CCL28: variants seen among roughly 807,000 people sequenced by gnomAD.
CCL28 encodes C-C motif chemokine ligand 28.
A neutral mutation model predicts 7.1 loss-of-function variants in CCL28; 4 were observed. The ratio of observed to expected loss-of-function variants is 0.56; its 90% CI spans 0.28 to 1.29. The LOEUF (loss-of-function observed/expected upper bound fraction) is 1.29, where lower values mean the gene tolerates loss of function less well. Among genes scored for constraint, CCL28 ranks in the 50% most tolerant of loss-of-function variants. The pLI is 0.11. For synonymous variants in CCL28, 55 were observed against 57.8 expected (o/e 0.95, Z 0.22); for missense variants, 151 against 163.4 (o/e 0.92, Z 0.41).
downstream of CCL28, chr5:43,377,546 A>G (rs931416435): frequency 2.6e-5 from 4 of 150,972 alleles, no homozygotes; most frequent in African/African-American, 9.7e-5. Context: ...TATTTTAAAA[A>G]GACTAATAAA....
At chr5:43,375,651 A>G (rs1016418782), downstream of CCL28, among the ~76,000 whole-genome samples, 9 of 152,148 alleles carry the variant, frequency 5.9e-5, no homozygotes, top group African/African-American at 2.4e-5. Flanking sequence ...ACAAGTGGTC[A>G]TCTCAAGATT....
At chr5:43,362,627 A>T in the CCL28 span, among the ~76,000 whole-genome samples, 1,493 of 152,318 alleles carry the variant, frequency 9.8e-3, 9 homozygotes, top group Middle Eastern at 0.017. Flanking sequence ...TGAATTATTT[A>T]CATAGCAGTC....
At chr5:43,382,817 C>CT (rs1209620824) in intron 2 of CCL28, among the ~76,000 whole-genome samples, 12 of 151,074 alleles carry the variant, frequency 7.9e-5, no homozygotes, top group Non-Finnish European at 1.2e-4. Flanking sequence ...TTTTTCTTTT[C>CT]TTTTTTTTTG....
chr5:43,405,447 A>G (rs958761115), intron 1 of CCL28, among the ~76,000 whole-genome samples: 3 of 152,228 alleles, frequency 2.0e-5, no homozygotes, highest in African/African-American at 7.2e-5. Context: ...TTTGAAACCA[A>G]TGAGAACAAA....
At chr5:43,401,308 A>G (rs1159157728) in intron 1 of CCL28, among the ~76,000 whole-genome samples, 1 of 152,028 alleles carries the variant, frequency 6.6e-6, no homozygotes, top group Non-Finnish European at 1.5e-5. Flanking sequence ...ACTTTTTGGA[A>G]CCCTGGGATA....
rs1016161281 is a variant in CCL28, at chr5:43,401,983, C to T, written c.64+10270G>A. Among the ~76,000 whole-genome samples the T allele has an allele frequency of 3.9e-5, 6 of 152,292 alleles. No individual in the cohort carries two copies. The South Asian group carries it at 8.3e-4, about 21-fold the overall frequency. The stretch of plus-strand genomic sequence containing the variant: ...CCCAGCTTCTGCAGTGCTTTAGCTT[C>T]AGTGCATGGCAACTAGCAGCACCCC... On this transcript the variant is annotated intron_variant, in intron 1 of 2. Transcript: ENST00000361115.
downstream of CCL28, among the ~76,000 whole-genome samples, chr5:43,378,701 G>A (rs377278319): frequency 8.6e-4 from 131 of 152,282 alleles, 1 homozygote; most frequent in Admixed American, 5.2e-4. Flanking sequence ...GGTGGCTCAC[G>A]CCTGTTATCC....
Position 43,381,969 on chromosome 5 carries a change from T to C in CCL28, c.275A>G (p.Lys92Arg). ...KQWMKVQAAK[K>R]NGKGNVCHRK... Reference sequence around the variant, plus strand: ...GTGGCAAACATTTCCTTTACCATTTTTCTTGGCAGCTTGCACTTTCATCCA... The same window carrying C: ...GTGGCAAACATTTCCTTTACCATTTCTCTTGGCAGCTTGCACTTTCATCCA... Residue 92 changes from lysine (K) to arginine (R), a missense_variant, in exon 3 of 3, where the codon AAA becomes AGA. Transcript: ENST00000361115. 1 of 1,614,212 alleles carries C rather than the reference T, an allele frequency of 6.2e-7. No individual in the cohort carries two copies. The highest frequency in any genetic ancestry group is 8.5e-7 in the Non-Finnish European group (1 of 1,180,036).
chr5:43,369,610 G>C, the CCL28 span, among the ~76,000 whole-genome samples: 2 of 152,018 alleles, frequency 1.3e-5, no homozygotes. Flanking sequence ...ATTTTCAGTA[G>C]ACGGGGTTTC....
chr5:43,375,388 G>T (rs1475668224), downstream of CCL28, among the ~76,000 whole-genome samples: 3 of 74,410 alleles, frequency 4.0e-5, no homozygotes, highest in East Asian at 3.7e-4. Flanking sequence ...AAAAAAAAAA[G>T]GAGTAAAAAC....
intron 1 of CCL28, among the ~76,000 whole-genome samples, chr5:43,402,363 A>G (rs1005884194): frequency 3.9e-5 from 6 of 152,216 alleles, no homozygotes; most frequent in Non-Finnish European, 8.8e-5. Context: ...AAATGAATAA[A>G]TGAAACATTA....
downstream of CCL28, among the ~76,000 whole-genome samples, chr5:43,377,717 CTTTTTTTTT>C (rs767834184): frequency 6.3e-4 from 27 of 42,704 alleles, no homozygotes; most frequent in East Asian, 1.4e-3. Context: ...AGAACTTAAA[CTTTTTTTTT>C]TTTTTTTTTT....
downstream of CCL28, among the ~76,000 whole-genome samples, chr5:43,374,820 C>G (rs149349411): frequency 6.6e-6 from 1 of 150,806 alleles, no homozygotes; most frequent in South Asian, 2.1e-4. Context: ...CACAGGGATG[C>G]GTACTAATAC....
chr5:43,392,851 T>C (rs1215319067), intron 1 of CCL28, among the ~76,000 whole-genome samples: 4 of 152,222 alleles, frequency 2.6e-5, no homozygotes, highest in African/African-American at 9.6e-5. Flanking sequence ...ATATTTGGGA[T>C]ACTTATCTCT....
intron 1 of CCL28, among the ~76,000 whole-genome samples, chr5:43,393,120 AT>A (rs947962095): frequency 6.6e-6 from 1 of 152,112 alleles, no homozygotes; most frequent in Non-Finnish European, 1.5e-5. Context: ...GGTAAATGAA[AT>A]TTTTTTCTCC....
intron 1 of CCL28, 48 bp downstream of exon 1, chr5:43,412,205 A>T: frequency 4.7e-6 from 7 of 1,500,580 alleles, no homozygotes; most frequent in Non-Finnish European, 6.4e-6. Flanking sequence ...GATTTGGGAG[A>T]TACCCCCCTT....
chr5:43,358,919 C>T, the CCL28 span, among the ~76,000 whole-genome samples: 1 of 152,156 alleles, frequency 6.6e-6, no homozygotes, highest in African/African-American at 2.4e-5. Context: ...TGACTGTCCT[C>T]ACTCACTCCT....
At chr5:43,404,619 GCT>G (rs1741190104) in intron 1 of CCL28, among the ~76,000 whole-genome samples, 1 of 152,134 alleles carries the variant, frequency 6.6e-6, no homozygotes, top group Non-Finnish European at 1.5e-5. Flanking sequence ...AAAATAACCA[GCT>G]AGCATCATAA....
rs78958340 is a variant in CCL28, at chr5:43,411,501, C to T, written c.64+752G>A. Among the ~76,000 whole-genome samples the T allele has an allele frequency of 9.7e-3, 1,469 of 151,124 alleles. 19 individuals are homozygous for T. Among genetic ancestry groups the T allele is most frequent in the African/African-American group, 0.035 (1,415 of 40,712 alleles). On this transcript the variant is annotated intron_variant, in intron 1 of 2. Transcript: ENST00000361115. The stretch of plus-strand genomic sequence containing the variant: ...TGCTTTTCTTCTTTTTCTTTCTTTC[C>T]TTTCCTTTCTTCCTTTCCTTCTCTT...
Sources: gnomAD v4.1 joint callset for allele counts (sites outside exome capture counted in the v4.1 genomes callset) on GRCh38, gnomAD v4.1.1 for gene constraint, MANE v1.5 for transcripts, NCBI Gene and HGNC (gene_info 2026-07-23, HGNC 2026-07-21) for gene names.